Variants in FAM171A1 observed in about 807,000 individuals in gnomAD.
FAM171A1 encodes protein FAM171A1.
Under a neutral mutation model 74.9 loss-of-function variants are expected in FAM171A1, and 23 were observed. That is an observed-to-expected ratio of 0.31 (90% CI 0.22 to 0.44). FAM171A1 has a LOEUF of 0.44. Ranked by LOEUF, FAM171A1 falls within the 20% of genes least tolerant of loss-of-function variation. The probability of loss-of-function intolerance (pLI) is 1.00; values close to 1 mark genes in which losing one functional copy is unlikely to be tolerated. For synonymous variants in FAM171A1, 527 were observed against 505.7 expected (o/e 1.04, Z -0.57); for missense variants, 1,162 against 1,159.2 (o/e 1.00, Z -0.03).
chr10:15,298,749 C>T (rs774310824), intron 1 of FAM171A1, among the ~76,000 whole-genome samples: 61 of 152,066 alleles, frequency 4.0e-4, no homozygotes, highest in Non-Finnish European at 7.8e-4. Flanking sequence ...GTGACTATAC[C>T]ACGGAAATGT....
At chr10:15,246,857 C>T (rs1450403646) in intron 5 of FAM171A1, among the ~76,000 whole-genome samples, 1 of 152,160 alleles carries the variant, frequency 6.6e-6, no homozygotes, top group Non-Finnish European at 1.5e-5. Context: ...TTTCAGGGCA[C>T]TAGGAAGCAA....
intron 1 of FAM171A1, among the ~76,000 whole-genome samples, chr10:15,332,636 A>C (rs1564282118): frequency 6.6e-6 from 1 of 152,210 alleles, no homozygotes; most frequent in Non-Finnish European, 1.5e-5. Flanking sequence ...ATTTATGCAT[A>C]CATGTAGCAT....
At chr10:15,353,222 A>C (rs1309596440) in intron 1 of FAM171A1, among the ~76,000 whole-genome samples, 1 of 152,194 alleles carries the variant, frequency 6.6e-6, no homozygotes, top group African/African-American at 2.4e-5. Context: ...GCATCTAAAA[A>C]CCAATCACCT....
At chr10:15,303,703 C>T (rs909253806) in intron 1 of FAM171A1, among the ~76,000 whole-genome samples, 5 of 152,200 alleles carry the variant, frequency 3.3e-5, no homozygotes, top group Non-Finnish European at 7.3e-5. Flanking sequence ...AATTATCCTT[C>T]ACATTGGTGT....
chr10:15,363,295 G>C (rs1836018693), intron 1 of FAM171A1, among the ~76,000 whole-genome samples: 1 of 152,188 alleles, frequency 6.6e-6, no homozygotes, highest in African/African-American at 2.4e-5. Flanking sequence ...TGAATTAAAT[G>C]GTGCTTGAAG....
chr10:15,313,857 C>T (rs1427613434), intron 1 of FAM171A1, among the ~76,000 whole-genome samples: 1 of 152,230 alleles, frequency 6.6e-6, no homozygotes, highest in Non-Finnish European at 1.5e-5. Flanking sequence ...CAAGCCTCCA[C>T]CTTCCCCAAC....
intron 3 of FAM171A1, among the ~76,000 whole-genome samples, chr10:15,255,278 C>T (rs1053606375): frequency 6.6e-6 from 1 of 152,090 alleles, no homozygotes. Context: ...TCTTTGATAC[C>T]GCTGCAAACC....
intron 1 of FAM171A1, among the ~76,000 whole-genome samples, chr10:15,307,717 T>C (rs1835314039): frequency 6.7e-6 from 1 of 148,866 alleles, no homozygotes. Context: ...CACAAAACCA[T>C]GGGTATATTC....
At chr10:15,307,737 T>C (rs1479200056) in intron 1 of FAM171A1, among the ~76,000 whole-genome samples, 1 of 150,952 alleles carries the variant, frequency 6.6e-6, no homozygotes, top group Non-Finnish European at 1.5e-5. Context: ...CTTCCAATAC[T>C]GTGATGTTTC....
intron 5 of FAM171A1, among the ~76,000 whole-genome samples, chr10:15,230,950 AGAAGGGACTG>A (rs1189799726): frequency 6.6e-6 from 1 of 152,204 alleles, no homozygotes; most frequent in Non-Finnish European, 1.5e-5. Context: ...ATTACATGTC[AGAAGGGACTG>A]GGTGGGGAGC....
chr10:15,332,981 C>A (rs1244684557), intron 1 of FAM171A1, among the ~76,000 whole-genome samples: 1 of 152,218 alleles, frequency 6.6e-6, no homozygotes, highest in East Asian at 1.9e-4. Context: ...AGCCTGCACA[C>A]CAAATACCTC....
intron 4 of FAM171A1, among the ~76,000 whole-genome samples, chr10:15,251,215 C>T (rs562381013): frequency 2.6e-5 from 4 of 152,276 alleles, no homozygotes; most frequent in East Asian, 1.9e-4. Flanking sequence ...TAATGGACAG[C>T]AATGTGCATT....
At chr10:15,240,886 A>AG (rs905569701) in intron 5 of FAM171A1, 5 of 215,030 alleles carry the variant, frequency 2.3e-5, no homozygotes, top group African/African-American at 1.2e-4. Context: ...CAAAAAAAAA[A>AG]TTTACAAATT....
intron 1 of FAM171A1, among the ~76,000 whole-genome samples, chr10:15,284,734 T>C (rs1835015237): frequency 6.6e-6 from 1 of 151,928 alleles, no homozygotes; most frequent in Non-Finnish European, 1.5e-5. Flanking sequence ...CTTTCAATGG[T>C]GTTTGGGCTA....
At chr10:15,255,600 G>A (rs1315984058) in intron 3 of FAM171A1, among the ~76,000 whole-genome samples, 1 of 151,904 alleles carries the variant, frequency 6.6e-6, no homozygotes, top group Non-Finnish European at 1.5e-5. Flanking sequence ...ACAGTTGGTT[G>A]TGCCGTCCTC....
Position 15,216,042 on chromosome 10 carries a change from C to A in FAM171A1, c.940G>T (p.Ala314Ser). The change falls in exon 7 of 8, where the codon GCT becomes TCT. Residue 314 changes from alanine (A) to serine (S), a missense_variant. Physicochemically the swap from Ala to Ser is moderately conservative, Grantham distance 99. Coordinates refer to ENST00000378116, the MANE Select transcript of FAM171A1 (RefSeq NM_001010924.2). ...CACAGCAAAACCAAAAGTATGAAAG[C>A]CATTCCTCCTAAAATGGCCAAAAGA... ...VFLLAILGGMAFILLVLLCLL... is the reference protein window; with the variant it reads ...VFLLAILGGMSFILLVLLCLL... 6.2e-7 allele frequency: 1 copy of A among 1,611,870 alleles called. No homozygotes were observed. Among genetic ancestry groups the A allele is most frequent in the Non-Finnish European group, 8.5e-7 (1 of 1,179,670 alleles).
chr10:15,219,143 G>A (rs567036977), intron 6 of FAM171A1, among the ~76,000 whole-genome samples: 1 of 152,262 alleles, frequency 6.6e-6, no homozygotes, highest in African/African-American at 2.4e-5. Context: ...TTAGCCAGGT[G>A]TGGCGGCGGA....
At chr10:15,222,653 C>A (rs1377822439) in intron 5 of FAM171A1, among the ~76,000 whole-genome samples, 1 of 152,188 alleles carries the variant, frequency 6.6e-6, no homozygotes, top group South Asian at 2.1e-4. Flanking sequence ...GATTTTTATT[C>A]CCCCTGAAGA....
At chr10:15,330,345 T>C (rs1588557195) in intron 1 of FAM171A1, among the ~76,000 whole-genome samples, 1 of 152,078 alleles carries the variant, frequency 6.6e-6, no homozygotes, top group Non-Finnish European at 1.5e-5. Context: ...TCTGAATTAT[T>C]TTACCACAGT....
Sources: gnomAD v4.1 joint callset for allele counts (sites outside exome capture counted in the v4.1 genomes callset) on GRCh38, gnomAD v4.1.1 for gene constraint, MANE v1.5 for transcripts, NCBI Gene and HGNC (gene_info 2026-07-23, HGNC 2026-07-21) for gene names.